Variants in CYYR1 observed in about 807,000 individuals in gnomAD.
The protein encoded by CYYR1 is cysteine and tyrosine rich 1, also known as cysteine and tyrosine-rich protein 1.
A neutral mutation model predicts 15.2 loss-of-function variants in CYYR1; 14 were observed. The observed-to-expected ratio is 0.92, with a 90% confidence interval of 0.61 to 1.44. CYYR1 has a LOEUF of 1.44. CYYR1 is among the 40% of genes most tolerant of loss of function. CYYR1 has a pLI of 0.00. For missense variants in CYYR1, 228 were observed against 209.5 expected (o/e 1.09, Z -0.54); for synonymous variants, 80 against 77.4 (o/e 1.03, Z -0.18).
intron 2 of CYYR1, among the ~76,000 whole-genome samples, chr21:26,499,922 C>T (rs1320835787): frequency 6.6e-6 from 1 of 151,234 alleles, no homozygotes; most frequent in Non-Finnish European, 1.5e-5. Context: ...TTATACCCTA[C>T]CCAAAATAGG....
chr21:26,477,164 C>A (rs1430947821), intron 3 of CYYR1, among the ~76,000 whole-genome samples: 2 of 152,074 alleles, frequency 1.3e-5, no homozygotes, highest in Admixed American at 6.6e-5. Context: ...TAGGACTATA[C>A]AATAAGTTGG....
At chr21:26,474,356 C>A (rs544002229) in intron 3 of CYYR1, among the ~76,000 whole-genome samples, 78 of 151,032 alleles carry the variant, frequency 5.2e-4, no homozygotes, top group Non-Finnish European at 1.0e-3. Context: ...CCCAGCCTAC[C>A]ATGTGTTCTT....
chr21:26,565,693 T>G (rs963802551), intron 2 of CYYR1, among the ~76,000 whole-genome samples: 4 of 152,206 alleles, frequency 2.6e-5, no homozygotes, highest in African/African-American at 9.6e-5. Flanking sequence ...TTCATTTGTG[T>G]TTTTGTGCCT....
At chr21:26,489,181 A>G (rs2065293118) in intron 2 of CYYR1, among the ~76,000 whole-genome samples, 1 of 152,200 alleles carries the variant, frequency 6.6e-6, no homozygotes, top group South Asian at 2.1e-4. Context: ...TATCTTACGT[A>G]GAATTAAACT....
chr21:26,494,085 A>G (rs989134534), intron 2 of CYYR1, among the ~76,000 whole-genome samples: 3 of 152,212 alleles, frequency 2.0e-5, no homozygotes, highest in Non-Finnish European at 2.9e-5. Flanking sequence ...GTTGGAATCT[A>G]ATTGGATCAG....
At chr21:26,554,833 A>C (rs567140128) in intron 2 of CYYR1, among the ~76,000 whole-genome samples, 2 of 152,208 alleles carry the variant, frequency 1.3e-5, no homozygotes, top group East Asian at 3.9e-4. Context: ...TCCTGGACTC[A>C]AGCAACCTTC....
intron 2 of CYYR1, among the ~76,000 whole-genome samples, chr21:26,483,769 G>A (rs904503528): frequency 1.3e-5 from 2 of 152,088 alleles, no homozygotes; most frequent in Admixed American, 1.3e-4. Context: ...TTGTGTAAAA[G>A]CATGATCTCT....
chr21:26,495,752 G>T (rs1276126307), intron 2 of CYYR1, among the ~76,000 whole-genome samples: 2 of 152,196 alleles, frequency 1.3e-5, no homozygotes, highest in African/African-American at 2.4e-5. Context: ...AGATTTCAGG[G>T]TTTATTTGTT....
At chr21:26,486,383 GA>G (rs2065247774) in intron 2 of CYYR1, among the ~76,000 whole-genome samples, 1 of 151,938 alleles carries the variant, frequency 6.6e-6, no homozygotes, top group African/African-American at 2.4e-5. Context: ...CTTTCTAAAA[GA>G]CTGATTATTT....
At chr21:26,474,122 C>T (rs1480605043) in intron 3 of CYYR1, among the ~76,000 whole-genome samples, 1 of 146,808 alleles carries the variant, frequency 6.8e-6, no homozygotes, top group Non-Finnish European at 1.5e-5. Context: ...TCTTGCCTCA[C>T]TGTAAACTCC....
At chr21:26,540,429 G>A (rs1454844229) in intron 2 of CYYR1, among the ~76,000 whole-genome samples, 2 of 152,168 alleles carry the variant, frequency 1.3e-5, no homozygotes, top group Non-Finnish European at 2.9e-5. Flanking sequence ...CCAGGGGACA[G>A]AGTTTAGAAC....
intron 2 of CYYR1, among the ~76,000 whole-genome samples, chr21:26,521,467 G>T (rs1156517566): frequency 2.6e-5 from 4 of 152,206 alleles, no homozygotes. Context: ...GTGGTATGCT[G>T]AATGGACATC....
At position 26,566,258 on chromosome 21, in the gene CYYR1, A is replaced by C. The variant is rs776576216; in HGVS notation, c.176+8T>G. The C allele has an allele frequency of 1.7e-5, 27 of 1,605,706 alleles. No individual in the cohort carries two copies. The highest frequency in any genetic ancestry group is 2.3e-5 in the Non-Finnish European group (27 of 1,172,530). On this transcript the variant is annotated splice_region_variant and intron_variant, in intron 2 of 3. Transcript: ENST00000652641. ...GCATCAGTATTGCCAAATCTGACGA[A>C]TACTCACGAGAGGATATTCCCAATA...
chr21:26,495,153 G>C (rs898184468), intron 2 of CYYR1, among the ~76,000 whole-genome samples: 10 of 152,296 alleles, frequency 6.6e-5, no homozygotes, highest in East Asian at 3.9e-4. Context: ...TGCCTATGTG[G>C]ACAGGCGGAA....
At chr21:26,548,318 G>T (rs1979127809) in intron 2 of CYYR1, among the ~76,000 whole-genome samples, 1 of 152,158 alleles carries the variant, frequency 6.6e-6, no homozygotes, top group Non-Finnish European at 1.5e-5. Context: ...AGTGGACAAT[G>T]AAATGTTTTT....
At chr21:26,564,165 A>T (rs2123725868) in intron 2 of CYYR1, among the ~76,000 whole-genome samples, 1 of 152,044 alleles carries the variant, frequency 6.6e-6, no homozygotes, top group South Asian at 2.1e-4. Context: ...TACCTCCTGC[A>T]TCGCCGACCA....
intron 3 of CYYR1, chr21:26,470,761 T>A (rs2065023416): frequency 6.6e-6 from 1 of 152,300 alleles, no homozygotes; most frequent in African/African-American, 2.4e-5. Context: ...TTTGCCTATC[T>A]TTACCAAGAG....
chr21:26,545,487 G>A (rs1488130839), intron 2 of CYYR1, among the ~76,000 whole-genome samples: 2 of 151,610 alleles, frequency 1.3e-5, no homozygotes, highest in Admixed American at 6.6e-5. Context: ...TTCCAAGGTG[G>A]CAAGGTTAAT....
chr21:26,548,210 G>A (rs545755893), intron 2 of CYYR1, among the ~76,000 whole-genome samples: 1 of 152,258 alleles, frequency 6.6e-6, no homozygotes, highest in Non-Finnish European at 1.5e-5. Flanking sequence ...GTAATTTAAA[G>A]TAACCCTTTA....
Sources: allele counts gnomAD v4.1 joint callset (sites outside exome capture counted in the v4.1 genomes callset), GRCh38; gene constraint gnomAD v4.1.1; transcripts MANE v1.5; gene names NCBI Gene and HGNC (gene_info 2026-07-23, HGNC 2026-07-21).